NECAB2: variants seen among roughly 807,000 people sequenced by gnomAD.
NECAB2 encodes the protein N-terminal EF-hand calcium binding protein 2.
NECAB2 carries 68 observed loss-of-function variants against 51.9 expected under a neutral mutation model. That is an observed-to-expected ratio of 1.31 (90% CI 1.08 to 1.60). NECAB2 has a LOEUF of 1.60. Among genes scored for constraint, NECAB2 ranks in the 40% most tolerant of loss-of-function variants. The pLI, the probability that NECAB2 is intolerant of heterozygous loss-of-function variation, is 0.00. For synonymous variants in NECAB2, 329 were observed against 203.5 expected (o/e 1.62, Z -5.25); for missense variants, 854 against 490.3 (o/e 1.74, Z -7.00).
At chr16:83,997,082 T>G in intron 8 of NECAB2, 134 bp from the exon 9 acceptor site, 11 of 895,630 alleles carry the variant, frequency 1.2e-5, no homozygotes, top group Non-Finnish European at 1.9e-5. Flanking sequence ...CTTCCTAGCG[T>G]TGGTCTCCCA....
intron 2 of NECAB2, among the ~76,000 whole-genome samples, chr16:83,973,792 C>G (rs543557444): frequency 6.6e-6 from 1 of 151,914 alleles, no homozygotes; most frequent in South Asian, 2.1e-4. Context: ...GAGAGCGTGG[C>G]TGTGCGTATC....
Position 83,980,825 on chromosome 16 carries a change from G to T in NECAB2, c.336-14G>T. On this transcript the variant is annotated splice_polypyrimidine_tract_variant and intron_variant, in intron 3 of 12. Coordinates refer to ENST00000305202, the MANE Select transcript of NECAB2 (RefSeq NM_019065.3). ...TCTGTCTCTGTCTGTCTCTGCCTCT[G>T]TCTGTCTCTGCAGCCATGTGGACAC... The T allele has an allele frequency of 1.3e-6, 2 of 1,574,238 alleles. No homozygotes were observed. Among genetic ancestry groups the T allele is most frequent in the South Asian group, 1.1e-5 (1 of 87,114 alleles).
chr16:83,988,652 C>G (rs376446868), intron 5 of NECAB2, among the ~76,000 whole-genome samples: 96 of 152,324 alleles, frequency 6.3e-4, no homozygotes, highest in African/African-American at 2.1e-3. Flanking sequence ...AGGACAAACT[C>G]TTAAGCATTG....
intron 5 of NECAB2, among the ~76,000 whole-genome samples, chr16:83,984,547 A>AC (rs1425628880): frequency 4.6e-5 from 7 of 151,918 alleles, no homozygotes; most frequent in African/African-American, 1.2e-4. Context: ...ACATAGTGGG[A>AC]CCCCGTTTCT....
chr16:83,999,217 C>T (rs951592636), intron 10 of NECAB2, among the ~76,000 whole-genome samples: 1 of 152,120 alleles, frequency 6.6e-6, no homozygotes, highest in Admixed American at 6.5e-5. Flanking sequence ...TGCGGCCGTT[C>T]CCGAGACTCG....
chr16:83,968,779 C>G lies in NECAB2; in HGVS notation c.131C>G (p.Ser44Trp). 14 of 1,107,312 alleles carry G rather than the reference C, an allele frequency of 1.3e-5. No individual in the cohort carries two copies. Among genetic ancestry groups the G allele is most frequent in the Non-Finnish European group, 1.5e-5 (14 of 910,056 alleles). 68.6% of individuals were successfully genotyped at this position (1,107,312 alleles called of 1,614,324 possible). The change falls in exon 1 of 13, where the codon TCG becomes TGG. Residue 44 changes from serine (S) to tryptophan (W), a missense_variant. Ser to Trp is a radical substitution (Grantham distance 177). Coordinates refer to ENST00000305202, the MANE Select transcript of NECAB2 (RefSeq NM_019065.3). ...GCCAGGATGGGCGAGCCCCGGGAGTCGCTGGCCCCCGCCGCCCCCGCGGAC... is the reference window on the plus strand; with the variant it reads ...GCCAGGATGGGCGAGCCCCGGGAGTGGCTGGCCCCCGCCGCCCCCGCGGAC... ...VGARMGEPRE[S>W]LAPAAPADPG...
chr16:83,991,816 A>ATTT (rs1222970973), intron 6 of NECAB2, among the ~76,000 whole-genome samples: 26 of 112,514 alleles, frequency 2.3e-4, no homozygotes, highest in African/African-American at 8.0e-4. Flanking sequence ...ACACCCAGCT[A>ATTT]TTTTTTTTTT....
Position 83,972,176 on chromosome 16 carries a change from G to T in NECAB2, c.226+1G>T. On this transcript the variant is annotated splice_donor_variant, in intron 2 of 12. Coordinates refer to ENST00000305202, the MANE Select transcript of NECAB2 (RefSeq NM_019065.3). LOFTEE classifies it high-confidence loss of function. ...ATTTTCCGCCGTGCGGACAAAAATG[G>T]TGAGTTTCCCTTCCAGGCCGACGGC... 6.2e-7 allele frequency: 1 copy of T among 1,613,578 alleles called. No homozygotes were observed. Among genetic ancestry groups the T allele is most frequent in the Non-Finnish European group, 8.5e-7 (1 of 1,180,020 alleles).
At chr16:83,965,769 AC>A (rs2084272550), upstream of NECAB2, 1 of 1,612,816 alleles carries the variant, frequency 6.2e-7, no homozygotes, top group Non-Finnish European at 8.5e-7. Context: ...ATCGGCTCCC[AC>A]CCCGACCTCT....
intron 8 of NECAB2, among the ~76,000 whole-genome samples, chr16:83,996,041 G>GC (rs2084693683): frequency 6.6e-6 from 1 of 152,214 alleles, no homozygotes; most frequent in Non-Finnish European, 1.5e-5. Context: ...CCTCTAACTG[G>GC]CCCGGGCGGT....
At chr16:84,001,733 C>T in intron 11 of NECAB2, 92 bp from the exon 12 acceptor site, 1 of 1,384,624 alleles carries the variant, frequency 7.2e-7, no homozygotes, top group Non-Finnish European at 1.0e-6. Context: ...TGATAAGCTC[C>T]CCATTTTGGG....
chr16:83,985,681 A>C (rs1209936579), intron 5 of NECAB2, among the ~76,000 whole-genome samples: 1 of 152,038 alleles, frequency 6.6e-6, no homozygotes, highest in Non-Finnish European at 1.5e-5. Flanking sequence ...GCAATCACAG[A>C]TGTTAATGTG....
At chr16:83,966,999 G>A (rs1180704949), upstream of NECAB2, among the ~76,000 whole-genome samples, 1 of 152,058 alleles carries the variant, frequency 6.6e-6, no homozygotes, top group Non-Finnish European at 1.5e-5. Flanking sequence ...AGCCTCCCAA[G>A]TAGCTGGGAT....
chr16:83,972,356 C>T (rs1244943349), intron 2 of NECAB2, among the ~76,000 whole-genome samples, 181 bp downstream of exon 2: 6 of 152,180 alleles, frequency 3.9e-5, no homozygotes, highest in Admixed American at 1.3e-4. Flanking sequence ...GTCTGTAAAA[C>T]GGGAATCCTA....
At chr16:83,998,831 C>G (rs60151904) in intron 10 of NECAB2, among the ~76,000 whole-genome samples, 1 of 151,050 alleles carries the variant, frequency 6.6e-6, no homozygotes, top group Admixed American at 6.6e-5. Flanking sequence ...ATGTCCAGGG[C>G]GGGGCAAGCG....
rs778437927 is a variant in NECAB2, at chr16:83,994,354, C to A, written c.649C>A (p.Pro217Thr). 2.7e-5 allele frequency: 44 copies of A among 1,614,014 alleles called. No homozygotes were observed. Among genetic ancestry groups the A allele is most frequent in the Non-Finnish European group, 3.7e-5 (44 of 1,180,042 alleles). ...CGCGGCACAGACCTGGTGTGGAAGC[C>A]CCACTCCCGCCTCTGCCCCCAACCA... ...HSAAQTWCGSPTPASAPNHKL... is the reference protein window; with the variant it reads ...HSAAQTWCGSTTPASAPNHKL... Residue 217 changes from proline to threonine, a missense_variant, in exon 7 of 13, where the codon CCC becomes ACC. Physicochemically the swap from Pro to Thr is conservative, Grantham distance 38. Coordinates refer to ENST00000305202, the MANE Select transcript of NECAB2 (RefSeq NM_019065.3).
rs76278920 is a variant in NECAB2 at position 83,982,578 on chromosome 16, T to C, written c.459+1451T>C. On this transcript the variant is annotated intron_variant, in intron 5 of 12. Transcript: ENST00000305202. ...CCCTGGGAAATGGAAACCACCTCCT[T>C]GAGCCTCGGTTTTCTCACCTTAGAA... 8.6e-3 allele frequency among the ~76,000 whole-genome samples: 1,308 copies of C among 152,254 alleles called. 15 individuals carry two copies. The highest frequency in any genetic ancestry group is 0.031 in the African/African-American group (1,270 of 41,546).
chr16:83,982,159 G>A (rs1374513489), intron 5 of NECAB2, among the ~76,000 whole-genome samples: 7 of 152,120 alleles, frequency 4.6e-5, no homozygotes, highest in Non-Finnish European at 7.4e-5. Context: ...CCTACTGTAC[G>A]CTCAGCCAGA....
At chr16:83,982,846 CT>C (rs956098832) in intron 5 of NECAB2, among the ~76,000 whole-genome samples, 11 of 150,316 alleles carry the variant, frequency 7.3e-5, no homozygotes, top group Admixed American at 1.3e-4. Context: ...TTGGCATTTC[CT>C]TTTTTTTTGT....
Sources: gnomAD v4.1 joint callset for allele counts (sites outside exome capture counted in the v4.1 genomes callset) on GRCh38, gnomAD v4.1.1 for gene constraint, MANE v1.5 for transcripts, NCBI Gene and HGNC (gene_info 2026-07-23, HGNC 2026-07-21) for gene names.